The following BRI3 variants were observed in gnomAD, a reference collection of about 807,000 sequenced individuals.
The protein encoded by BRI3 is brain protein I3.
In BRI3, 6 loss-of-function variants were observed where a neutral mutation model predicts 12.8. That is an observed-to-expected ratio of 0.47 (90% CI 0.26 to 0.93). BRI3 has a LOEUF of 0.93. Among genes scored for constraint, BRI3 ranks in the 40% least tolerant of loss-of-function variants. The pLI is 0.15. For synonymous variants in BRI3, 91 were observed against 76.1 expected, an observed-to-expected ratio of 1.20 and a Z score of -1.02; for missense variants, 134 against 171.1, an observed-to-expected ratio of 0.78 and a Z score of 1.21.
downstream of BRI3, among the ~76,000 whole-genome samples, chr7:98,295,308 C>A (rs1305573818): frequency 1.3e-5 from 2 of 152,136 alleles, no homozygotes; most frequent in African/African-American, 4.8e-5. Context: ...CTCCCCAGAT[C>A]CCCTGGGCAG....
upstream of BRI3, chr7:98,304,477 C>A: frequency 8.6e-7 from 1 of 1,162,820 alleles, no homozygotes; most frequent in Non-Finnish European, 1.2e-6. Context: ...AATAGTACAT[C>A]ACCAATCAAA....
chr7:98,291,379 G>A lies in BRI3; in HGVS notation c.*136G>A, dbSNP rs886983901. 1.2e-4 allele frequency: 185 copies of A among 1,484,206 alleles called. No homozygotes were observed. The highest frequency in any genetic ancestry group is 1.6e-4 in the Non-Finnish European group (183 of 1,116,734). The allele number at this position is 1,484,206 out of a possible 1,614,324, so 91.9% of individuals were successfully genotyped here. A position where few individuals can be genotyped will look rare whatever the true frequency, so the allele number is the denominator to read the frequency against. ...GGGACCGATGTGGCACACGCCAGCT[G>A]CGGTTTCCCGGAGCGTGGAGAGGCA... is the stretch of plus-strand genomic sequence containing the variant. On this transcript the variant is annotated 3_prime_UTR_variant, in exon 3 of 3. Transcript: ENST00000297290.
chr7:98,298,360 C>T lies in BRI3; in HGVS notation c.72-8123C>T, dbSNP rs1428697164. 2.0e-5 allele frequency among the ~76,000 whole-genome samples: 3 copies of T among 152,336 alleles called. No homozygotes were observed. In the East Asian group the frequency reaches 5.8e-4, roughly 29 times the overall value. On this transcript the variant is annotated intron_variant and NMD_transcript_variant, in intron 1 of 2. Transcript: ENST00000491463. ...GGGTGCGGTGGCTCACGCCTGTAAT[C>T]CCAGCACTTTGGGAGGCCGAGGCAG...
chr7:98,300,969 G>A (rs1194820972), intron 1 of BRI3, among the ~76,000 whole-genome samples: 4 of 152,130 alleles, frequency 2.6e-5, no homozygotes. Flanking sequence ...CTCTCCCCTT[G>A]TCCTCACCCC....
At chr7:98,293,223 A>T (rs1385054943), downstream of BRI3, 4 of 327,908 alleles carry the variant, frequency 1.2e-5, no homozygotes, top group African/African-American at 6.3e-5. Context: ...TTAAGGAAAA[A>T]ATTCATTTAA....
chr7:98,319,110 C>T, the BRI3 span, among the ~76,000 whole-genome samples: 2 of 152,050 alleles, frequency 1.3e-5, no homozygotes, highest in Non-Finnish European at 2.9e-5. Flanking sequence ...CTCACGAGGA[C>T]GACAGGGGAG....
upstream of BRI3, chr7:98,306,425 A>T: frequency 6.2e-7 from 1 of 1,614,160 alleles, no homozygotes; most frequent in South Asian, 1.1e-5. Context: ...GAGCTCAGCC[A>T]CGTTCAGGGC....
At chr7:98,295,485 C>T (rs1800153392), downstream of BRI3, among the ~76,000 whole-genome samples, 1 of 152,210 alleles carries the variant, frequency 6.6e-6, no homozygotes, top group African/African-American at 2.4e-5. Flanking sequence ...GTGTGAGGTG[C>T]ATGCTCTGCG....
chr7:98,318,207 C>G, the BRI3 span, among the ~76,000 whole-genome samples: 1 of 152,224 alleles, frequency 6.6e-6, no homozygotes, highest in Non-Finnish European at 1.5e-5. Flanking sequence ...CGACCAGAAG[C>G]CAAGTCTCTA....
At chr7:98,308,961 G>A (rs1232171028) in exon 2 of BRI3, 4 of 151,976 alleles carry the variant, frequency 2.6e-5, no homozygotes, top group Admixed American at 2.6e-4. Context: ...TTACAGGTTT[G>A]AGCCACTGCT....
downstream of BRI3, among the ~76,000 whole-genome samples, chr7:98,313,529 A>C (rs1800956754): frequency 6.6e-6 from 1 of 152,110 alleles, no homozygotes; most frequent in Non-Finnish European, 1.5e-5. Flanking sequence ...GAAGATTCTA[A>C]AGTGAACTCT....
At chr7:98,319,972 G>A in the BRI3 span, 2 of 1,055,512 alleles carry the variant, frequency 1.9e-6, no homozygotes, top group Non-Finnish European at 2.9e-6. Context: ...GTCTGCTGCT[G>A]ATGAGTCAAC....
chr7:98,318,931 G>A, the BRI3 span, among the ~76,000 whole-genome samples: 1 of 135,932 alleles, frequency 7.4e-6, no homozygotes, highest in Admixed American at 7.8e-5. Flanking sequence ...AGGCAACAGA[G>A]CAGGACTCCA....
At chr7:98,290,691 G>T (rs1243737358) in intron 2 of BRI3, among the ~76,000 whole-genome samples, 3 of 151,382 alleles carry the variant, frequency 2.0e-5, no homozygotes, top group Admixed American at 2.0e-4. Flanking sequence ...TAGAGACAGG[G>T]TTTCACCGTG....
intron 2 of BRI3, 45 bp downstream of exon 2, chr7:98,282,498 G>A (rs746583850): frequency 6.5e-6 from 10 of 1,532,390 alleles, no homozygotes; most frequent in Non-Finnish European, 9.0e-6. Context: ...AAGCTCTGAG[G>A]ACCCCCGCCC....
At chr7:98,291,562 C>T, downstream of BRI3, 2 of 1,119,022 alleles carry the variant, frequency 1.8e-6, no homozygotes, top group Non-Finnish European at 2.2e-6. Context: ...TTTCAGAGAC[C>T]CAGGAAAGAC....
chr7:98,306,741 T>A, intron 1 of BRI3: 1 of 595,994 alleles, frequency 1.7e-6, no homozygotes, highest in African/African-American at 1.9e-5. Flanking sequence ...AGGGTCTCGC[T>A]CTGTTGCCCA....
chr7:98,308,133 C>T (rs985338078), exon 2 of BRI3: 7 of 643,820 alleles, frequency 1.1e-5, no homozygotes, highest in East Asian at 3.2e-5. Context: ...AGGATCCCTG[C>T]GGCTGCGGGC....
the BRI3 span, chr7:98,320,028 G>T: frequency 6.3e-7 from 1 of 1,585,396 alleles, no homozygotes. Context: ...GCAGCCCAAG[G>T]CTGGGGCTGG....
Sources: gnomAD v4.1 joint callset for allele counts (sites outside exome capture counted in the v4.1 genomes callset) on GRCh38, gnomAD v4.1.1 for gene constraint, MANE v1.5 for transcripts, NCBI Gene and HGNC (gene_info 2026-07-23, HGNC 2026-07-21) for gene names.